SLC9A8: variants seen among roughly 807,000 people sequenced by gnomAD.
SLC9A8 encodes solute carrier family 9 member A8.
A neutral mutation model predicts 66.6 loss-of-function variants in SLC9A8; 48 were observed. That is an observed-to-expected ratio of 0.72 (90% CI 0.57 to 0.92). The LOEUF (loss-of-function observed/expected upper bound fraction) is 0.92. Among genes scored for constraint, SLC9A8 ranks in the 40% least tolerant of loss-of-function variants. The pLI, the probability that SLC9A8 is intolerant of heterozygous loss-of-function variation, is 0.00. For missense variants in SLC9A8, 599 were observed against 747.3 expected (o/e 0.80, Z 2.31); for synonymous variants, 274 against 282.6 (o/e 0.97, Z 0.31).
chr20:49,850,331 C>T (rs1034272504), intron 6 of SLC9A8, among the ~76,000 whole-genome samples: 4 of 152,196 alleles, frequency 2.6e-5, no homozygotes, highest in African/African-American at 9.7e-5. Context: ...ACATTCTTTT[C>T]CTTTATTGTC....
chr20:49,861,395 C>CT (rs1406675599), intron 8 of SLC9A8, among the ~76,000 whole-genome samples: 4 of 152,052 alleles, frequency 2.6e-5, no homozygotes, highest in Non-Finnish European at 5.9e-5. Context: ...AATACAAAAA[C>CT]TAACTGGGTG....
chr20:49,884,255 A>ACGACACACAC lies in SLC9A8; in HGVS notation c.1491+190_1491+191insGACACACACC. ...ACACACACACACGACACACACACAC[A>ACGACACACAC]CACGACACACACACACACGACACAC... On this transcript the variant is annotated intron_variant, in intron 14 of 15. Coordinates refer to ENST00000361573, the MANE Select transcript of SLC9A8 (RefSeq NM_015266.3). 3 of 276,790 alleles carry ACGACACACAC rather than the reference A, an allele frequency of 1.1e-5. 1 individual carries two copies. The highest frequency in any genetic ancestry group is 6.0e-5 in the East Asian group (1 of 16,546). 17.1% of individuals were successfully genotyped at this position (276,790 alleles called of 1,614,324 possible).
At chr20:49,873,883 C>T (rs1461692718) in intron 10 of SLC9A8, among the ~76,000 whole-genome samples, 1 of 151,848 alleles carries the variant, frequency 6.6e-6, no homozygotes, top group East Asian at 1.9e-4. Flanking sequence ...AGTCATCCCT[C>T]AGCATCTGTG....
At chr20:49,831,761 C>T (rs919482701) in intron 3 of SLC9A8, among the ~76,000 whole-genome samples, 2 of 152,170 alleles carry the variant, frequency 1.3e-5, no homozygotes, top group African/African-American at 4.8e-5. Flanking sequence ...GTGCACCTAG[C>T]ACTCCTTAGA....
chr20:49,834,372 TA>T (rs2087399334), intron 3 of SLC9A8, among the ~76,000 whole-genome samples: 1 of 60,686 alleles, frequency 1.6e-5, no homozygotes, highest in Non-Finnish European at 2.9e-5. Context: ...ATACTGTGTA[TA>T]TATATATATA....
chr20:49,829,922 C>T (rs984715966), intron 3 of SLC9A8: 1 of 580,542 alleles, frequency 1.7e-6, no homozygotes, highest in African/African-American at 1.9e-5. Flanking sequence ...GAAAAGAATC[C>T]AAGAGCAAAG....
intron 4 of SLC9A8, 100 bp from the exon 5 acceptor site, chr20:49,844,936 C>A: frequency 1.3e-6 from 1 of 776,468 alleles, no homozygotes; most frequent in Non-Finnish European, 2.2e-6. Flanking sequence ...TTCCACTAGG[C>A]CAGGCCCTGA....
At chr20:49,862,902 T>G (rs754473535) in intron 8 of SLC9A8, 27 bp from the exon 9 acceptor site, 3 of 1,568,360 alleles carry the variant, frequency 1.9e-6, no homozygotes, top group Non-Finnish European at 2.6e-6. Flanking sequence ...ACATTTTAAT[T>G]TATTTCTGTT....
At chr20:49,862,116 T>TC (rs2088766526) in intron 8 of SLC9A8, among the ~76,000 whole-genome samples, 1 of 141,932 alleles carries the variant, frequency 7.0e-6, no homozygotes, top group Non-Finnish European at 1.5e-5. Flanking sequence ...TGCACTAATC[T>TC]TGGTACTTGA....
Position 49,864,843 on chromosome 20 carries a change from A to T in SLC9A8, c.957A>T (p.Ser319=). Residue 319 remains serine (S), a splice_region_variant and synonymous_variant, in exon 10 of 16, where the codon TCA becomes TCT. Transcript: ENST00000361573. Reference sequence around the variant, plus strand: ...GGCTTGCAGAAGGAATCTCACTCTCAGGTAAGTGACAGAGAGCCTGAAAGT... The same window carrying T: ...GGCTTGCAGAAGGAATCTCACTCTCTGGTAAGTGACAGAGAGCCTGAAAGT... ...PYGLAEGISL[S]GIMAILFSGI... is the part of the protein sequence containing the mutation. The T allele has an allele frequency of 6.3e-7, 1 of 1,595,440 alleles. No homozygotes were observed. The highest frequency in any genetic ancestry group is 8.6e-7 in the Non-Finnish European group (1 of 1,162,960).
At chr20:49,830,878 A>G (rs41283580) in intron 3 of SLC9A8, 51 of 1,329,516 alleles carry the variant, frequency 3.8e-5, no homozygotes, top group Non-Finnish European at 4.8e-5. Context: ...TTCCTAGACC[A>G]GAAGTGCCAA....
intron 8 of SLC9A8, among the ~76,000 whole-genome samples, chr20:49,860,349 T>A (rs1187645502): frequency 1.3e-5 from 2 of 152,244 alleles, no homozygotes; most frequent in Non-Finnish European, 2.9e-5. Flanking sequence ...TATTTTGGGC[T>A]GTGAATTTCC....
intron 4 of SLC9A8, among the ~76,000 whole-genome samples, chr20:49,843,333 T>G (rs2087843575): frequency 6.6e-6 from 1 of 152,166 alleles, no homozygotes; most frequent in Non-Finnish European, 1.5e-5. Context: ...ATCATGAGCT[T>G]GAGCTTGTTG....
chr20:49,869,067 A>T (rs1050122615), intron 10 of SLC9A8, among the ~76,000 whole-genome samples: 3 of 152,212 alleles, frequency 2.0e-5, no homozygotes, highest in Non-Finnish European at 4.4e-5. Flanking sequence ...AGATTCAAAG[A>T]TGAATAGACC....
At chr20:49,820,541 T>TTTTTG (rs927313099) in intron 2 of SLC9A8, among the ~76,000 whole-genome samples, 4 of 151,090 alleles carry the variant, frequency 2.6e-5, no homozygotes, top group African/African-American at 7.3e-5. Context: ...TGAAATTGTA[T>TTTTTG]TTTTGTTTTG....
At chr20:49,884,289 G>A (rs1306797271) in intron 14 of SLC9A8, 2 of 38,760 alleles carry the variant, frequency 5.2e-5, no homozygotes, top group African/African-American at 2.2e-4. Context: ...ACACACACAC[G>A]ACACACACAC....
At chr20:49,874,325 C>T (rs946460325) in intron 10 of SLC9A8, among the ~76,000 whole-genome samples, 3 of 152,156 alleles carry the variant, frequency 2.0e-5, no homozygotes, top group Non-Finnish European at 4.4e-5. Flanking sequence ...CCACATCTGC[C>T]AACCCTATCC....
chr20:49,870,352 A>C (rs2089166242), intron 10 of SLC9A8, among the ~76,000 whole-genome samples: 1 of 152,330 alleles, frequency 6.6e-6, no homozygotes, highest in East Asian at 1.9e-4. Context: ...AATGGATGGG[A>C]TCTCAGGCAG....
At chr20:49,853,467 C>T (rs759865086) in intron 7 of SLC9A8, among the ~76,000 whole-genome samples, 1 of 152,208 alleles carries the variant, frequency 6.6e-6, no homozygotes, top group Non-Finnish European at 1.5e-5. Flanking sequence ...AGACATCATC[C>T]TCCTTCCTTC....
Sources: allele counts gnomAD v4.1 joint callset (sites outside exome capture counted in the v4.1 genomes callset), GRCh38; gene constraint gnomAD v4.1.1; transcripts MANE v1.5; gene names NCBI Gene and HGNC (gene_info 2026-07-23, HGNC 2026-07-21).